COL15A1: variants seen among roughly 807,000 people sequenced by gnomAD.
The protein encoded by COL15A1 is collagen alpha-1(XV) chain.
In COL15A1, 111 loss-of-function variants were observed where a neutral mutation model predicts 165.9. The observed-to-expected ratio is 0.67, with a 90% confidence interval of 0.57 to 0.78. The LOEUF (loss-of-function observed/expected upper bound fraction) is 0.78. Among genes scored for constraint, COL15A1 ranks in the 30% least tolerant of loss-of-function variants. The probability of loss-of-function intolerance (pLI) is 0.00; values close to 1 mark genes in which losing one functional copy is unlikely to be tolerated. For missense variants in COL15A1, 1,745 were observed against 1,789.7 expected (o/e 0.98, Z 0.45); for synonymous variants, 659 against 674.8 (o/e 0.98, Z 0.36).
intron 11 of COL15A1, among the ~76,000 whole-genome samples, chr9:99,017,561 A>T (rs1004745444): frequency 1.3e-5 from 2 of 152,186 alleles, no homozygotes; most frequent in Non-Finnish European, 2.9e-5. Flanking sequence ...GATGGCTGGG[A>T]AGCTTAAAAC....
At chr9:98,976,728 G>A (rs1838146968) in intron 2 of COL15A1, among the ~76,000 whole-genome samples, 1 of 152,218 alleles carries the variant, frequency 6.6e-6, no homozygotes, top group Non-Finnish European at 1.5e-5. Flanking sequence ...GAGCCTGGGT[G>A]TGGGGGAGAC....
Position 99,025,906 on chromosome 9 carries a change from C to G in COL15A1, c.1983C>G (p.Gly661=). The change falls in exon 16 of 42, where the codon GGC becomes GGG. Residue 661 remains glycine (G), a splice_region_variant and synonymous_variant. Transcript: ENST00000375001. ...TGATTGTCACTGATGTTCCCCAGGG[C>G]CCTGAGGGACAGCCTGGAGTTGATG... ...DGPAGEPGPP[G]PEGQPGVDGA... is the part of the protein sequence containing the mutation. The G allele has an allele frequency of 3.1e-6, 5 of 1,612,892 alleles. No homozygotes were observed. The highest frequency in any genetic ancestry group is 4.2e-6 in the Non-Finnish European group (5 of 1,179,600).
chr9:99,032,135 T>C (rs1839220341), intron 16 of COL15A1, among the ~76,000 whole-genome samples: 2 of 152,102 alleles, frequency 1.3e-5, no homozygotes, highest in African/African-American at 4.8e-5. Flanking sequence ...TTATTCTTGG[T>C]GTTTAAAAAT....
At chr9:98,994,451 T>G (rs1838509603) in intron 5 of COL15A1, among the ~76,000 whole-genome samples, 1 of 152,120 alleles carries the variant, frequency 6.6e-6, no homozygotes, top group Non-Finnish European at 1.5e-5. Flanking sequence ...CAGGATCCAG[T>G]CCACATCCTC....
At chr9:99,042,516 G>GAA (rs757609035) in intron 24 of COL15A1, among the ~76,000 whole-genome samples, 19,169 of 152,114 alleles carry the variant, frequency 0.13, 1,255 homozygotes, top group South Asian at 0.2. Context: ...CCACCTGCTG[G>GAA]GCATCCCCCT....
intron 30 of COL15A1, among the ~76,000 whole-genome samples, chr9:99,051,687 C>CT (rs1444952118): frequency 6.6e-6 from 1 of 152,226 alleles, no homozygotes; most frequent in African/African-American, 2.4e-5. Flanking sequence ...GCTTGTGACC[C>CT]TCCACCCGTA....
Position 99,034,567 on chromosome 9 carries a change from G to A in COL15A1, c.2062G>A (p.Gly688Ser), listed in dbSNP as rs767927669. Residue 688 changes from glycine (G) to serine (S), a missense_variant, in exon 17 of 42, where the codon GGC becomes AGC. By Grantham distance (56) the Gly-to-Ser change is moderately conservative. Coordinates refer to ENST00000375001, the MANE Select transcript of COL15A1 (RefSeq NM_001855.5). The stretch of plus-strand genomic sequence containing the variant: ...TTTTCAGGGAGCAAGAGGGCCTAAT[G>A]GCTCAGTTGGTGAAAAGGTAAAAAA... ...KGEKGARGPN[G>S]SVGEKGDPGN... The A allele has an allele frequency of 7.1e-7, 1 of 1,408,982 alleles. No individual in the cohort carries two copies. Among genetic ancestry groups the A allele is most frequent in the Non-Finnish European group, 9.4e-7 (1 of 1,062,462 alleles). 87.3% of individuals were successfully genotyped at this position (1,408,982 alleles called of 1,614,324 possible).
At chr9:99,042,010 C>A in intron 23 of COL15A1, 35 bp from the exon 24 acceptor site, 1 of 1,415,974 alleles carries the variant, frequency 7.1e-7, no homozygotes, top group Non-Finnish European at 9.9e-7. Flanking sequence ...TTAATCTTAA[C>A]GAACAACCAA....
At chr9:99,025,062 G>T (rs1839100054) in intron 15 of COL15A1, 63 bp downstream of exon 15, 4 of 1,514,318 alleles carry the variant, frequency 2.6e-6, no homozygotes, top group Non-Finnish European at 3.6e-6. Context: ...CAGGGGAGGG[G>T]TGTACAGATT....
At chr9:98,954,700 T>C (rs1341514530) in intron 2 of COL15A1, among the ~76,000 whole-genome samples, 1 of 152,244 alleles carries the variant, frequency 6.6e-6, no homozygotes, top group Admixed American at 6.5e-5. Context: ...GTCTAGTGCA[T>C]GCCCATTTTT....
intron 2 of COL15A1, among the ~76,000 whole-genome samples, chr9:98,954,612 G>A (rs1837746645): frequency 1.3e-5 from 2 of 152,170 alleles, no homozygotes; most frequent in Admixed American, 6.5e-5. Flanking sequence ...TGTGACGATC[G>A]TAGTCTTGTA....
intron 2 of COL15A1, among the ~76,000 whole-genome samples, chr9:98,946,338 T>A (rs1228900757): frequency 3.3e-5 from 5 of 152,130 alleles, no homozygotes; most frequent in Non-Finnish European, 4.4e-5. Context: ...TCCTTGCTCT[T>A]AACCATCCTA....
At position 98,985,582 on chromosome 9, in the gene COL15A1, C is replaced by A. The variant is rs1292225076; in HGVS notation, c.118C>A (p.His40Asn). ...RGATETASQG[H>N]LDLTQLIGVP... ...CCCTGCAGAGACTGCTTCCCAGGGT[C>A]ACCTGGACCTCACGCAGCTCATCGG... is the stretch of plus-strand genomic sequence containing the variant. Residue 40 changes from histidine (H) to asparagine (N), a missense_variant, in exon 3 of 42, where the codon CAC becomes AAC. Coordinates refer to ENST00000375001, the MANE Select transcript of COL15A1 (RefSeq NM_001855.5). The A allele has an allele frequency of 6.2e-7, 1 of 1,613,268 alleles. No homozygotes were observed. Among genetic ancestry groups the A allele is most frequent in the Admixed American group, 1.7e-5 (1 of 60,024 alleles).
At chr9:99,064,035 G>A (rs1825858060) in intron 39 of COL15A1, among the ~76,000 whole-genome samples, 1 of 152,026 alleles carries the variant, frequency 6.6e-6, no homozygotes, top group African/African-American at 2.4e-5. Flanking sequence ...CCAGGCCTGG[G>A]ACTCTTGTCT....
At chr9:98,989,360 A>G in intron 5 of COL15A1, 102 bp downstream of exon 5, 1 of 908,504 alleles carries the variant, frequency 1.1e-6, no homozygotes. Context: ...CTTTGTTTCC[A>G]GACCTGTGAG....
In COL15A1 at chr9:99,055,291, TGAAAAAGGA is replaced by T. The variant is rs749891704; in HGVS notation, c.3123_3131del (p.Glu1041_Gly1043del). The stretch of plus-strand genomic sequence containing the variant: ...AGAATGGAGACAAGGGGTTCAAAGG[TGAAAAAGGA>T]GAAAAAGGAGACATTAATGGCAGCT... On this transcript the variant is annotated inframe_deletion, in exon 34 of 42. Coordinates refer to ENST00000375001, the MANE Select transcript of COL15A1 (RefSeq NM_001855.5). The T allele has an allele frequency of 3.3e-5, 54 of 1,613,518 alleles. No individual in the cohort carries two copies. Among genetic ancestry groups the T allele is most frequent in the Non-Finnish European group, 4.2e-5 (49 of 1,179,716 alleles).
At chr9:98,981,752 T>C (rs1294001733) in intron 2 of COL15A1, among the ~76,000 whole-genome samples, 2 of 152,182 alleles carry the variant, frequency 1.3e-5, no homozygotes, top group Non-Finnish European at 2.9e-5. Context: ...TTCAGCTGAA[T>C]TGATACTGTC....
At chr9:99,013,599 C>A (rs552088084) in intron 9 of COL15A1, among the ~76,000 whole-genome samples, 3 of 151,794 alleles carry the variant, frequency 2.0e-5, no homozygotes, top group South Asian at 4.2e-4. Flanking sequence ...TTGTCCTCAG[C>A]CACCTCTAAC....
intron 5 of COL15A1, among the ~76,000 whole-genome samples, chr9:98,991,202 G>A (rs542927414): frequency 1.2e-4 from 19 of 152,240 alleles, no homozygotes; most frequent in African/African-American, 3.6e-4. Context: ...AATGGGAAAA[G>A]GACCTCACCA....
Sources: gnomAD v4.1 joint callset for allele counts (sites outside exome capture counted in the v4.1 genomes callset) on GRCh38, gnomAD v4.1.1 for gene constraint, MANE v1.5 for transcripts, NCBI Gene and HGNC (gene_info 2026-07-23, HGNC 2026-07-21) for gene names.